The following PCBP3 variants were observed in gnomAD, a reference collection of about 807,000 sequenced individuals.
PCBP3 encodes the protein poly(rC) binding protein 3, also known as poly(rC)-binding protein 3.
In PCBP3, 25 loss-of-function variants were observed where a neutral mutation model predicts 52.7. That is an observed-to-expected ratio of 0.47 (90% confidence interval 0.35 to 0.66). The LOEUF (loss-of-function observed/expected upper bound fraction) is 0.66, where lower values mean the gene tolerates loss of function less well. Ranked by LOEUF, PCBP3 falls within the 30% of genes least tolerant of loss-of-function variation. The probability of loss-of-function intolerance (pLI) is 0.01; values close to 1 mark genes in which losing one functional copy is unlikely to be tolerated. For missense variants in PCBP3, 391 were observed against 490.3 expected (o/e 0.80, Z 1.91); for synonymous variants, 162 against 183.0 (o/e 0.89, Z 0.93).
Position 45,814,974 on chromosome 21 carries a change from ATGAGTGAGTGG to A in PCBP3, c.-125-34957_-125-34947del, listed in dbSNP as rs1250024546. Among the ~76,000 whole-genome samples the A allele has an allele frequency of 1.0e-3, 90 of 90,336 alleles. 1 individual carries two copies. Among genetic ancestry groups the A allele is most frequent in the South Asian group, 5.8e-3 (12 of 2,052 alleles). 59.3% of individuals were successfully genotyped at this position (90,336 alleles called of 152,430 possible). A position where few individuals can be genotyped will look rare whatever the true frequency, so the allele number is the denominator to read the frequency against. On this transcript the variant is annotated intron_variant, in intron 4 of 17. Transcript: ENST00000681687. ...GTGAGTGAGTGGTGAGTGGTGAGTGATGAGTGAGTGGTGAGTGAGTGGTGAGTGAGTGGTGA... is the reference window on the plus strand; with the variant it reads ...GTGAGTGAGTGGTGAGTGGTGAGTGATGAGTGAGTGGTGAGTGAGTGGTGA...
chr21:45,900,414 G>C (rs2096000638), intron 7 of PCBP3, among the ~76,000 whole-genome samples, 177 bp from the exon 8 acceptor site: 1 of 152,182 alleles, frequency 6.6e-6, no homozygotes, highest in Non-Finnish European at 1.5e-5. Context: ...GTCTGCCAGG[G>C]TGTGGTGGGC....
In PCBP3 at chr21:45,737,976, G is replaced by A. The variant is rs2086012888; in HGVS notation, c.-162+2547G>A. 6.6e-6 allele frequency among the ~76,000 whole-genome samples: 1 copy of A among 152,152 alleles called. No homozygotes were observed. The highest frequency in any genetic ancestry group is 1.5e-5 in the Non-Finnish European group (1 of 68,030). The stretch of plus-strand genomic sequence containing the variant: ...GGAGGACTCTTCCCCCTTCCTGAGA[G>A]AGAGCGATGAATGTAGGCCTCCATG... On this transcript the variant is annotated intron_variant, in intron 3 of 17. Coordinates refer to ENST00000681687, the MANE Select transcript of PCBP3 (RefSeq NM_001384156.1). The surrounding 1 kb of genome is among the most constrained non-coding windows in gnomAD (Gnocchi z 4.9).
chr21:45,808,810 C>T (rs1419437448), intron 4 of PCBP3, among the ~76,000 whole-genome samples: 3 of 152,082 alleles, frequency 2.0e-5, no homozygotes, highest in Non-Finnish European at 4.4e-5. Flanking sequence ...CAATGATAGG[C>T]TGGATAAAGA....
intron 4 of PCBP3, among the ~76,000 whole-genome samples, chr21:45,780,874 G>C (rs1427817699): frequency 1.3e-5 from 2 of 152,098 alleles, no homozygotes; most frequent in African/African-American, 4.8e-5. Flanking sequence ...TTTCCTGCAG[G>C]GAATTTTAGT....
chr21:45,911,353 T>G, intron 11 of PCBP3: 6 of 276,256 alleles, frequency 2.2e-5, no homozygotes, highest in South Asian at 9.3e-5. Context: ...GAGTTGGAGC[T>G]GCAGAAACAG....
chr21:45,671,668 G>A (rs2081184271), intron 2 of PCBP3, among the ~76,000 whole-genome samples: 1 of 152,176 alleles, frequency 6.6e-6, no homozygotes, highest in African/African-American at 2.4e-5. Flanking sequence ...GGTGATTTGG[G>A]GGAGGGTTCA....
intron 2 of PCBP3, among the ~76,000 whole-genome samples, chr21:45,679,302 G>C (rs911518376): frequency 4.3e-4 from 66 of 151,948 alleles, no homozygotes; most frequent in African/African-American, 1.6e-3. Context: ...TATATTTTTA[G>C]TAGAGACGAG....
intron 9 of PCBP3, among the ~76,000 whole-genome samples, chr21:45,908,696 G>C (rs2096266788): frequency 6.6e-6 from 1 of 152,136 alleles, no homozygotes; most frequent in Non-Finnish European, 1.5e-5. Context: ...CCGGGCCACA[G>C]CCTGGACACG....
At chr21:45,921,242 A>G (rs548053141) in intron 13 of PCBP3, among the ~76,000 whole-genome samples, 1 of 111,646 alleles carries the variant, frequency 9.0e-6, no homozygotes, top group African/African-American at 2.7e-5. Flanking sequence ...CTATATCAAT[A>G]TAATTATAGA....
chr21:45,859,509 T>C (rs930395399), intron 5 of PCBP3, among the ~76,000 whole-genome samples: 1 of 152,246 alleles, frequency 6.6e-6, no homozygotes, highest in Non-Finnish European at 1.5e-5. Context: ...AGGTGGCCCT[T>C]GGGACCCTGG....
At chr21:45,878,980 TTTTG>T (rs1171142192) in intron 5 of PCBP3, among the ~76,000 whole-genome samples, 8 of 151,892 alleles carry the variant, frequency 5.3e-5, no homozygotes, top group Admixed American at 6.6e-5. Context: ...AAAGCGAAGG[TTTTG>T]TTTGTTTGTT....
intron 2 of PCBP3, among the ~76,000 whole-genome samples, chr21:45,716,766 T>A (rs2084253179): frequency 1.3e-5 from 2 of 152,196 alleles, no homozygotes; most frequent in African/African-American, 4.8e-5. Flanking sequence ...GTGCTGTAGC[T>A]TTGTAGTAAG....
intron 15 of PCBP3, among the ~76,000 whole-genome samples, chr21:45,934,803 G>A (rs567918341): frequency 6.6e-6 from 1 of 152,312 alleles, no homozygotes; most frequent in South Asian, 2.1e-4. Flanking sequence ...AGAACCAGTG[G>A]TGTCTCCTGA....
chr21:45,880,705 G>C lies in PCBP3; in HGVS notation c.11-15503G>C, dbSNP rs1259358844. Among the ~76,000 whole-genome samples, 2 of 152,128 alleles carry C rather than the reference G, an allele frequency of 1.3e-5. No individual in the cohort carries two copies. The highest frequency in any genetic ancestry group is 4.8e-5 in the African/African-American group (2 of 41,422). On this transcript the variant is annotated intron_variant, in intron 5 of 17. Transcript: ENST00000681687. The surrounding 1 kb of genome is among the most constrained non-coding windows in gnomAD (Gnocchi z 5.4). ...GGGTGGCCCCAGGTGACTGCAGCAG[G>C]GCCAGGAGAGACGGGGTTGTAGGTA...
intron 5 of PCBP3, among the ~76,000 whole-genome samples, chr21:45,889,706 C>A (rs368175441): frequency 6.6e-6 from 1 of 152,316 alleles, no homozygotes; most frequent in South Asian, 2.1e-4. Flanking sequence ...GCTCTTGTGG[C>A]AGTACATTGC....
chr21:45,725,037 T>C (rs1356291282), intron 2 of PCBP3, among the ~76,000 whole-genome samples: 1 of 152,174 alleles, frequency 6.6e-6, no homozygotes, highest in Non-Finnish European at 1.5e-5. Context: ...TTGCTTGGGT[T>C]TTTTTTTGCC....
At chr21:45,664,026 T>TC (rs1216616530) in intron 1 of PCBP3, among the ~76,000 whole-genome samples, 1 of 139,976 alleles carries the variant, frequency 7.1e-6, no homozygotes, top group Non-Finnish European at 1.5e-5. Context: ...TTTTCTTTTT[T>TC]TTTTTTTAAC....
chr21:45,896,236 T>C lies in PCBP3; in HGVS notation c.39T>C (p.Leu13=). 6.4e-7 allele frequency: 1 copy of C among 1,552,090 alleles called. No individual in the cohort carries two copies. Among genetic ancestry groups the C allele is most frequent in the Non-Finnish European group, 8.7e-7 (1 of 1,147,110 alleles). The part of the protein sequence containing the change: ...EGDAFWAPSV[L]PHSTLSTLSH... The stretch of plus-strand genomic sequence containing the variant: ...ACGCCTTCTGGGCCCCATCTGTCCT[T>C]CCTCACAGCACCCTCAGCACCTTAA... The change falls in exon 6 of 18, where the codon CTT becomes CTC. Residue 13 remains leucine (L), a synonymous_variant. Transcript: ENST00000681687.
At chr21:45,925,788 C>A (rs575775485) in intron 13 of PCBP3, among the ~76,000 whole-genome samples, 48 of 152,234 alleles carry the variant, frequency 3.2e-4, no homozygotes, top group Admixed American at 9.8e-4. Context: ...AAAATTTATA[C>A]GTGCCTAAAA....
Sources: gnomAD v4.1 joint callset for allele counts (sites outside exome capture counted in the v4.1 genomes callset) on GRCh38, gnomAD v4.1.1 for gene constraint, Gnocchi (gnomAD v3.1) non-coding constraint, MANE v1.5 for transcripts, NCBI Gene and HGNC (gene_info 2026-07-23, HGNC 2026-07-21) for gene names.